Variants in ATAD2 observed in about 807,000 individuals in gnomAD.
ATAD2 encodes ATPase family AAA domain-containing protein 2.
ATAD2 carries 62 observed loss-of-function variants against 168.9 expected under a neutral mutation model. That is an observed-to-expected ratio of 0.37 (90% confidence interval 0.30 to 0.45). ATAD2 has a LOEUF of 0.45. Ranked by LOEUF, ATAD2 falls within the 20% of genes least tolerant of loss-of-function variation. The probability of loss-of-function intolerance (pLI) is 1.00; values close to 1 mark genes in which losing one functional copy is unlikely to be tolerated. For missense variants in ATAD2, 1,419 were observed against 1,667.8 expected, an observed-to-expected ratio of 0.85 and a Z score of 2.60; for synonymous variants, 613 against 571.6, an observed-to-expected ratio of 1.07 and a Z score of -1.03.
rs1161925712 is a variant in ATAD2, at chr8:123,321,145, A to C, written c.4162T>G (p.Cys1388Gly). ...ATACCATGACATCATCATCTGGAAC[A>C]ACTGAAGTTTTCTACCTCTTGCTCC... ...KMEQEVENFS[C>G]SR The change falls in exon 28 of 28, where the codon TGT becomes GGT. Residue 1388 changes from cysteine to glycine, a missense_variant. Coordinates refer to ENST00000287394, the MANE Select transcript of ATAD2 (RefSeq NM_014109.4). 1 of 1,609,720 alleles carries C rather than the reference A, an allele frequency of 6.2e-7. No homozygotes were observed. Among genetic ancestry groups the C allele is most frequent in the African/African-American group, 1.3e-5 (1 of 74,916 alleles).
At chr8:123,409,789 A>G (rs900959085) in intron 1 of ATAD2, among the ~76,000 whole-genome samples, 4 of 151,780 alleles carry the variant, frequency 2.6e-5, no homozygotes, top group African/African-American at 9.7e-5. Flanking sequence ...TACAAAAATT[A>G]GCCGGGTGTC....
chr8:123,385,782 TAC>T lies in ATAD2; in HGVS notation c.172-5107_172-5106del, dbSNP rs796861088. On this transcript the variant is annotated intron_variant, in intron 1 of 27. Transcript: ENST00000287394. ...AGGTATATAAGGTTTTATATATACA[TAC>T]ACACACACACATATATACACGCATA... Among the ~76,000 whole-genome samples the T allele has an allele frequency of 1.8e-4, 27 of 151,790 alleles. 1 individual carries two copies. The highest frequency in any genetic ancestry group is 4.6e-4 in the African/African-American group (19 of 41,410).
At chr8:123,386,093 TG>T (rs1408827736) in intron 1 of ATAD2, among the ~76,000 whole-genome samples, 2 of 151,720 alleles carry the variant, frequency 1.3e-5, no homozygotes, top group African/African-American at 4.8e-5. Flanking sequence ...TGTGTGTTGC[TG>T]GTGGTAACAT....
chr8:123,328,847 C>T (rs1297085709), intron 24 of ATAD2, among the ~76,000 whole-genome samples: 1 of 132,680 alleles, frequency 7.5e-6, no homozygotes, highest in Non-Finnish European at 1.5e-5. Context: ...GTTGCCCAGG[C>T]TGGAGTGCAG....
In ATAD2 at chr8:123,346,257, T is replaced by C. The variant is rs749681807; in HGVS notation, c.2361A>G (p.Gln787=). The C allele has an allele frequency of 6.9e-6, 11 of 1,593,286 alleles. No homozygotes were observed. The highest frequency in any genetic ancestry group is 1.7e-4 in the Middle Eastern group (1 of 5,918). ...ATATTCTTGGTCGAAAAGACATAGG[T>C]TGGTAACAAGCATTTCTGAAAGAGA... ...FLHLNRNACY[Q]PMSFRPRILI... Residue 787 remains glutamine, a synonymous_variant, in exon 18 of 28, where the codon CAA becomes CAG. Coordinates refer to ENST00000287394, the MANE Select transcript of ATAD2 (RefSeq NM_014109.4).
At chr8:123,408,334 A>G (rs1813095781) in intron 1 of ATAD2, among the ~76,000 whole-genome samples, 1 of 152,168 alleles carries the variant, frequency 6.6e-6, no homozygotes, top group South Asian at 2.1e-4. Flanking sequence ...TTCCCTGGAA[A>G]CCTGGCAATA....
chr8:123,359,234 T>C lies in ATAD2; in HGVS notation c.1369A>G (p.Ile457Val). The C allele has an allele frequency of 6.3e-7, 1 of 1,582,326 alleles. No homozygotes were observed. Among genetic ancestry groups the C allele is most frequent in the Non-Finnish European group, 8.6e-7 (1 of 1,164,396 alleles). ...TAATTAAATTACCTTGGGGGTTGAA[T>C]TTTAAATTTTTCAAAGACTTCTGGA... ...LYPEVFEKFK[I>V]QPPRGCLFYG... The change falls in exon 11 of 28, where the codon ATT (isoleucine) becomes GTT (valine). Residue 457 changes from isoleucine to valine, a missense_variant. Physicochemically the swap from Ile to Val is conservative, Grantham distance 29. This residue lies in a region of ATAD2 where 146 missense variants were observed against 188.3 expected (regional missense o/e 0.78). Transcript: ENST00000287394.
chr8:123,390,181 G>A (rs189046306), intron 1 of ATAD2, among the ~76,000 whole-genome samples: 203 of 151,780 alleles, frequency 1.3e-3, no homozygotes, highest in African/African-American at 4.7e-3. Flanking sequence ...ATTTCACCAT[G>A]TTGGCTAGGC....
At chr8:123,350,772 T>G (rs1348836702) in intron 13 of ATAD2, among the ~76,000 whole-genome samples, 1 of 151,980 alleles carries the variant, frequency 6.6e-6, no homozygotes, top group East Asian at 1.9e-4. Flanking sequence ...TCTCCCAGGC[T>G]GGAGTGCAGT....
intron 8 of ATAD2, among the ~76,000 whole-genome samples, chr8:123,364,248 TG>T (rs1279772465): frequency 1.3e-5 from 2 of 152,134 alleles, no homozygotes; most frequent in African/African-American, 4.8e-5. Context: ...TTAAGTAACT[TG>T]CCAAAGGCCG....
chr8:123,391,230 T>C (rs973251562), intron 1 of ATAD2, among the ~76,000 whole-genome samples: 2 of 150,676 alleles, frequency 1.3e-5, no homozygotes, highest in African/African-American at 2.4e-5. Flanking sequence ...AGAAAAGATA[T>C]CCATAGTCAT....
At chr8:123,366,027 C>G (rs909578955) in intron 8 of ATAD2, among the ~76,000 whole-genome samples, 2 of 151,998 alleles carry the variant, frequency 1.3e-5, no homozygotes, top group African/African-American at 2.4e-5. Context: ...ATACATCTGG[C>G]AAAAGACTAA....
At chr8:123,325,681 A>T (rs1423314162) in intron 26 of ATAD2, among the ~76,000 whole-genome samples, 1 of 152,162 alleles carries the variant, frequency 6.6e-6, no homozygotes, top group East Asian at 1.9e-4. Context: ...TCAGCCTCCC[A>T]AAGTGCTGGG....
At position 123,359,207 on chromosome 8, in the gene ATAD2, T is replaced by C. The variant is rs1472170955; in HGVS notation, c.1382+14A>G. 6 of 1,525,534 alleles carry C rather than the reference T, an allele frequency of 3.9e-6. No homozygotes were observed. Among genetic ancestry groups the C allele is most frequent in the Non-Finnish European group, 5.4e-6 (6 of 1,119,708 alleles). The allele number at this position is 1,525,534 out of a possible 1,614,324, so 94.5% of individuals were successfully genotyped here. On this transcript the variant is annotated intron_variant, in intron 11 of 27. Coordinates refer to ENST00000287394, the MANE Select transcript of ATAD2 (RefSeq NM_014109.4). ...AAAGATTTTCAGCTAAAATTAAAAA[T>C]ATAATTAAATTACCTTGGGGGTTGA... is the stretch of plus-strand genomic sequence containing the variant.
rs1453295506 is a variant in ATAD2 at position 123,321,001 on chromosome 8, T to C, written c.*133A>G. 6 of 774,158 alleles carry C rather than the reference T, an allele frequency of 7.8e-6. No individual in the cohort carries two copies. Among genetic ancestry groups the C allele is most frequent in the Non-Finnish European group, 1.0e-5 (5 of 477,876 alleles). 48.0% of individuals were successfully genotyped at this position (774,158 alleles called of 1,614,324 possible). A position where few individuals can be genotyped will look rare whatever the true frequency, so the allele number is the denominator to read the frequency against. ...TATGTACATAAATATCAGGAAAGTT[T>C]AAATACTTTTATTTTACTATTTTAA... On this transcript the variant is annotated 3_prime_UTR_variant, in exon 28 of 28. Transcript: ENST00000287394.
chr8:123,373,237 C>T (rs144832948), intron 2 of ATAD2, among the ~76,000 whole-genome samples: 2 of 151,534 alleles, frequency 1.3e-5, no homozygotes, highest in East Asian at 3.9e-4. Flanking sequence ...GGGGGGGTCT[C>T]GCTTTTTTGT....
intron 25 of ATAD2, 151 bp downstream of exon 25, chr8:123,328,039 A>G (rs1586854873): frequency 1.7e-6 from 1 of 588,962 alleles, no homozygotes; most frequent in Non-Finnish European, 2.5e-6. Context: ...TACTAGCTCA[A>G]TAGTAAAGAT....
At chr8:123,328,798 A>ATTTTT (rs35015706) in intron 24 of ATAD2, among the ~76,000 whole-genome samples, 4 of 126,908 alleles carry the variant, frequency 3.2e-5, no homozygotes, top group Non-Finnish European at 4.7e-5. Flanking sequence ...TTATCTTGAA[A>ATTTTT]TTTTTTTTTT....
At chr8:123,384,330 T>C (rs578253159) in intron 1 of ATAD2, among the ~76,000 whole-genome samples, 2 of 152,338 alleles carry the variant, frequency 1.3e-5, no homozygotes, top group Admixed American at 6.5e-5. Context: ...AATACTTACA[T>C]TTATAAAAAC....
Sources: allele counts gnomAD v4.1 joint callset (sites outside exome capture counted in the v4.1 genomes callset), GRCh38; gene constraint gnomAD v4.1.1; regional missense constraint gnomAD v4.1.1; transcripts MANE v1.5; gene names NCBI Gene and HGNC (gene_info 2026-07-23, HGNC 2026-07-21).